WWOX: variants seen among roughly 807,000 people sequenced by gnomAD.
WWOX encodes WW domain containing oxidoreductase, also known as WW domain-containing oxidoreductase.
In WWOX, 69 loss-of-function variants were observed where a neutral mutation model predicts 46.2. That is an observed-to-expected ratio of 1.49 (90% CI 1.23 to 1.82). The LOEUF (loss-of-function observed/expected upper bound fraction) is 1.82, where lower values mean the gene tolerates loss of function less well. Among genes scored for constraint, WWOX ranks in the 40% most tolerant of loss-of-function variants. The probability of loss-of-function intolerance (pLI) is 0.00; values close to 1 mark genes in which losing one functional copy is unlikely to be tolerated. For missense variants in WWOX, 919 were observed against 542.6 expected, an observed-to-expected ratio of 1.69 and a Z score of -6.89; for synonymous variants, 359 against 202.6, an observed-to-expected ratio of 1.77 and a Z score of -6.56.
chr16:78,566,230 G>A (rs2044561561), intron 8 of WWOX, among the ~76,000 whole-genome samples: 1 of 152,094 alleles, frequency 6.6e-6, no homozygotes, highest in Admixed American at 6.5e-5. Context: ...ACCTCCCAAA[G>A]CCCCACCTCC....
chr16:79,063,769 A>C (rs1283291833), intron 8 of WWOX, among the ~76,000 whole-genome samples: 1 of 152,234 alleles, frequency 6.6e-6, no homozygotes, highest in African/African-American at 2.4e-5. Context: ...CAAAATAAAA[A>C]TGAAAATGAA....
chr16:78,492,850 TC>T (rs1356827559), intron 8 of WWOX, among the ~76,000 whole-genome samples: 1 of 152,128 alleles, frequency 6.6e-6, no homozygotes, highest in African/African-American at 2.4e-5. Context: ...AATACTTGTG[TC>T]CCTTGAGCCT....
intron 8 of WWOX, among the ~76,000 whole-genome samples, chr16:78,751,596 C>A (rs146925599): frequency 6.6e-6 from 1 of 151,160 alleles, no homozygotes; most frequent in African/African-American, 2.4e-5. Context: ...AACATTCTTC[C>A]ATCAGTCATG....
At chr16:78,259,453 A>ATCTAT (rs1555510204) in intron 5 of WWOX, among the ~76,000 whole-genome samples, 3 of 151,920 alleles carry the variant, frequency 2.0e-5, no homozygotes, top group Non-Finnish European at 2.9e-5. Flanking sequence ...CAGTCTGCCG[A>ATCTAT]CTAGCTGGGA....
In WWOX at chr16:79,212,002, G is replaced by T. The variant is rs773217804; in HGVS notation, c.*206G>T. The T allele has an allele frequency of 2.0e-6, 3 of 1,536,038 alleles. No individual in the cohort carries two copies. The South Asian group carries it at 3.6e-5, about 18-fold the overall frequency. On this transcript the variant is annotated 3_prime_UTR_variant, in exon 9 of 9. Transcript: ENST00000566780. ...GTAAAGTATCACTTTTCTGGGGCTG[G>T]GCTAGGCATAGGTCTCTTTGCTTTC...
At chr16:78,903,273 A>G (rs1190780861) in intron 8 of WWOX, among the ~76,000 whole-genome samples, 1 of 152,210 alleles carries the variant, frequency 6.6e-6, no homozygotes, top group Non-Finnish European at 1.5e-5. Flanking sequence ...CAGAGGCTGA[A>G]GTGAAGTTAC....
At chr16:78,987,276 C>T (rs983349429) in intron 8 of WWOX, among the ~76,000 whole-genome samples, 1 of 152,172 alleles carries the variant, frequency 6.6e-6, no homozygotes, top group African/African-American at 2.4e-5. Flanking sequence ...CTTTAGGTTC[C>T]ATGATCTTTG....
At chr16:78,594,382 A>T (rs1308888901) in intron 8 of WWOX, among the ~76,000 whole-genome samples, 1 of 127,986 alleles carries the variant, frequency 7.8e-6, no homozygotes, top group Non-Finnish European at 1.6e-5. Flanking sequence ...GCAAAACCTG[A>T]CCTCTCTTTG....
chr16:78,249,445 A>G (rs565035336), intron 5 of WWOX, among the ~76,000 whole-genome samples: 371 of 152,316 alleles, frequency 2.4e-3, no homozygotes, highest in Middle Eastern at 0.01. Flanking sequence ...AGCCTCTCCA[A>G]TGAGTTTCTC....
intron 8 of WWOX, among the ~76,000 whole-genome samples, chr16:79,017,926 A>G (rs1259135906): frequency 6.6e-6 from 1 of 152,244 alleles, no homozygotes; most frequent in African/African-American, 2.4e-5. Context: ...GTAGTAAAAC[A>G]CATGTAAAAG....
At chr16:78,850,679 C>G (rs145479528) in intron 8 of WWOX, among the ~76,000 whole-genome samples, 1 of 152,266 alleles carries the variant, frequency 6.6e-6, no homozygotes, top group Non-Finnish European at 1.5e-5. Flanking sequence ...TCATCCAGGA[C>G]CTACTTGTGT....
At chr16:79,149,059 C>T (rs1334598956) in intron 8 of WWOX, among the ~76,000 whole-genome samples, 6 of 152,000 alleles carry the variant, frequency 3.9e-5, no homozygotes, top group Non-Finnish European at 7.4e-5. Context: ...GCTAGAACTT[C>T]CTGTGCTATG....
chr16:78,104,231 A>AAC (rs376622174), intron 1 of WWOX, among the ~76,000 whole-genome samples: 16,528 of 129,970 alleles, frequency 0.13, 1,212 homozygotes, highest in East Asian at 0.28. Flanking sequence ...CTGTGCTCAA[A>AAC]ACACACACAC....
intron 8 of WWOX, among the ~76,000 whole-genome samples, chr16:79,051,932 C>G (rs1049497409): frequency 6.6e-6 from 1 of 152,240 alleles, no homozygotes; most frequent in Non-Finnish European, 1.5e-5. Context: ...TAGCCTGTTC[C>G]TCTTCCTTAT....
chr16:78,299,816 A>G (rs2080007963), intron 5 of WWOX, among the ~76,000 whole-genome samples: 1 of 152,124 alleles, frequency 6.6e-6, no homozygotes, highest in South Asian at 2.1e-4. Context: ...GGTGTCAGTT[A>G]CCGCACTGGC....
chr16:78,836,666 G>A (rs959674757), intron 8 of WWOX, among the ~76,000 whole-genome samples: 5 of 152,118 alleles, frequency 3.3e-5, no homozygotes, highest in Admixed American at 1.3e-4. Context: ...GCCATTTGCG[G>A]GGTGTAGAAA....
intron 8 of WWOX, among the ~76,000 whole-genome samples, chr16:78,756,100 A>C (rs1374702080): frequency 6.6e-6 from 1 of 152,200 alleles, no homozygotes. Flanking sequence ...AAAGGGAAGA[A>C]TGATGGAAAG....
intron 8 of WWOX, among the ~76,000 whole-genome samples, chr16:78,441,910 C>T (rs939194089): frequency 2.0e-5 from 3 of 150,986 alleles, no homozygotes; most frequent in Admixed American, 6.6e-5. Context: ...ACATTATTTT[C>T]CCCAGCTTTA....
In WWOX at chr16:79,211,034, A is replaced by AGTGTGTGTGTGTGTGTGTGT. The variant is rs58334968; in HGVS notation, c.1057-570_1057-551dup. Among the ~76,000 whole-genome samples, 1,149 of 149,706 alleles carry AGTGTGTGTGTGTGTGTGTGT rather than the reference A, an allele frequency of 7.7e-3. 12 individuals are homozygous for AGTGTGTGTGTGTGTGTGTGT. The highest frequency in any genetic ancestry group is 0.013 in the Non-Finnish European group (854 of 67,458). On this transcript the variant is annotated intron_variant, in intron 8 of 8. Coordinates refer to ENST00000566780, the MANE Select transcript of WWOX (RefSeq NM_016373.4). The stretch of plus-strand genomic sequence containing the variant: ...TGCTAAGTATGAATGTATGGTGAGG[A>AGTGTGTGTGTGTGTGTGTGT]GTGTGTGTGTGTGTGTGTGTGTGCA...
Sources: allele counts gnomAD v4.1 joint callset (sites outside exome capture counted in the v4.1 genomes callset), GRCh38; gene constraint gnomAD v4.1.1; transcripts MANE v1.5; gene names NCBI Gene and HGNC (gene_info 2026-07-23, HGNC 2026-07-21).